MYRFL: variants seen among roughly 807,000 people sequenced by gnomAD.
MYRFL encodes myelin regulatory factor like, also known as myelin regulatory factor-like protein.
In MYRFL, 88 loss-of-function variants were observed where a neutral mutation model predicts 109.4. That is an observed-to-expected ratio of 0.80 (90% CI 0.68 to 0.96). The LOEUF is 0.96. MYRFL is among the 40% of genes least tolerant of loss of function. MYRFL has a pLI of 0.00. For missense variants in MYRFL, 957 were observed against 954.9 expected (o/e 1.00, Z -0.03); for synonymous variants, 324 against 320.9 (o/e 1.01, Z -0.10).
At chr12:69,838,254 G>A (rs182325090) in intron 1 of MYRFL, among the ~76,000 whole-genome samples, 77 of 152,240 alleles carry the variant, frequency 5.1e-4, no homozygotes, top group African/African-American at 1.6e-3. Context: ...GTACATTCCA[G>A]GTGAGCCAAC....
chr12:69,864,835 G>A (rs1261954134), intron 2 of MYRFL, among the ~76,000 whole-genome samples: 1 of 152,116 alleles, frequency 6.6e-6, no homozygotes, highest in African/African-American at 2.4e-5. Flanking sequence ...TGTATGAATT[G>A]TGGACAATGG....
intron 15 of MYRFL, among the ~76,000 whole-genome samples, chr12:69,929,849 C>T (rs1955216203): frequency 6.6e-6 from 1 of 152,054 alleles, no homozygotes; most frequent in Non-Finnish European, 1.5e-5. Flanking sequence ...AAGGTACTTG[C>T]TTCATAGGGT....
chr12:69,868,285 T>C (rs1316046753), intron 2 of MYRFL, among the ~76,000 whole-genome samples: 3 of 148,206 alleles, frequency 2.0e-5, no homozygotes, highest in African/African-American at 7.4e-5. Flanking sequence ...TTTTTTGTAT[T>C]TTTTTTTTTA....
intron 15 of MYRFL, among the ~76,000 whole-genome samples, chr12:69,929,280 A>G (rs1409070334): frequency 6.6e-6 from 1 of 152,180 alleles, no homozygotes; most frequent in Non-Finnish European, 1.5e-5. Flanking sequence ...TCTTGCTGTC[A>G]CTGTAGAGGG....
intron 2 of MYRFL, among the ~76,000 whole-genome samples, chr12:69,870,275 G>A (rs1251654922): frequency 9.5e-6 from 1 of 104,754 alleles, no homozygotes; most frequent in East Asian, 2.6e-4. Context: ...ACAGGGTTTT[G>A]CCATGTTGGC....
intron 1 of MYRFL, among the ~76,000 whole-genome samples, chr12:69,833,847 T>TC (rs200257494): frequency 1.4e-5 from 2 of 142,638 alleles, no homozygotes; most frequent in Non-Finnish European, 3.1e-5. Context: ...TTTTTTTTTT[T>TC]CGGTACAATT....
At chr12:69,943,070 A>G (rs1169536634) in intron 19 of MYRFL, among the ~76,000 whole-genome samples, 2 of 151,488 alleles carry the variant, frequency 1.3e-5, no homozygotes, top group South Asian at 2.1e-4. Flanking sequence ...ATGCTCATGG[A>G]TAGGAAGAAT....
At chr12:69,836,355 A>G (rs1461034409) in intron 1 of MYRFL, among the ~76,000 whole-genome samples, 1 of 152,144 alleles carries the variant, frequency 6.6e-6, no homozygotes, top group Non-Finnish European at 1.5e-5. Context: ...TGGGAAATGC[A>G]GCAGAAATGC....
chr12:69,905,509 T>C (rs1483158751), intron 11 of MYRFL, among the ~76,000 whole-genome samples: 1 of 152,180 alleles, frequency 6.6e-6, no homozygotes, highest in East Asian at 1.9e-4. Flanking sequence ...GTTAGAAGTC[T>C]AAGAGTTTAG....
chr12:69,939,318 G>C (rs1337491657), intron 19 of MYRFL, among the ~76,000 whole-genome samples: 3 of 152,116 alleles, frequency 2.0e-5, no homozygotes, highest in African/African-American at 7.2e-5. Flanking sequence ...GAGAGCAGTG[G>C]TTCTCCCAGC....
chr12:69,857,483 A>G (rs1159812994), intron 2 of MYRFL, among the ~76,000 whole-genome samples: 1 of 151,820 alleles, frequency 6.6e-6, no homozygotes, highest in Non-Finnish European at 1.5e-5. Context: ...ATCTAAGGAG[A>G]CTTAACATTC....
intron 19 of MYRFL, among the ~76,000 whole-genome samples, chr12:69,944,991 C>T (rs949660201): frequency 6.8e-6 from 1 of 147,542 alleles, no homozygotes; most frequent in African/African-American, 2.5e-5. Flanking sequence ...ATTTTTTTAA[C>T]GAAAATAAAA....
intron 1 of MYRFL, among the ~76,000 whole-genome samples, chr12:69,849,992 G>A (rs760258926): frequency 6.6e-6 from 1 of 152,158 alleles, no homozygotes; most frequent in Non-Finnish European, 1.5e-5. Context: ...TAATTCCCAC[G>A]TGTTGTGGGA....
chr12:69,891,664 TC>T (rs879270076), intron 7 of MYRFL, among the ~76,000 whole-genome samples: 4,428 of 115,552 alleles, frequency 0.038, 325 homozygotes, highest in African/African-American at 0.07. Context: ...TTTCTTTCTT[TC>T]TTTCTTTCTT....
chr12:69,931,416 A>G (rs185250576), intron 15 of MYRFL, among the ~76,000 whole-genome samples: 1 of 152,294 alleles, frequency 6.6e-6, no homozygotes, highest in Non-Finnish European at 1.5e-5. Context: ...CTCAGTTACA[A>G]TAGCCCTAAG....
chr12:69,891,021 C>A lies in MYRFL; in HGVS notation c.758C>A (p.Pro253Gln). The A allele has an allele frequency of 6.5e-7, 1 of 1,533,662 alleles. No individual in the cohort carries two copies. The highest frequency in any genetic ancestry group is 8.7e-7 in the Non-Finnish European group (1 of 1,145,810). Reference sequence around the variant, plus strand: ...ACAGACAAAGGATTTAATTTTTCACCAGCAGATGAAGCTTTTGTTTGCCAA... The same window carrying A: ...ACAGACAAAGGATTTAATTTTTCACAAGCAGATGAAGCTTTTGTTTGCCAA... ...VVTDKGFNFS[P>Q]ADEAFVCQKK... The change falls in exon 7 of 25, where the codon CCA becomes CAA. Residue 253 changes from proline to glutamine, a missense_variant. By Grantham distance (76) the Pro-to-Gln change is moderately conservative. Coordinates refer to ENST00000552032, the MANE Select transcript of MYRFL (RefSeq NM_182530.3).
chr12:69,895,514 C>A, intron 9 of MYRFL, 33 bp downstream of exon 9: 1 of 1,516,540 alleles, frequency 6.6e-7, no homozygotes, highest in Non-Finnish European at 8.9e-7. Flanking sequence ...GGCAGTGTGG[C>A]TGGGTACTTT....
intron 19 of MYRFL, among the ~76,000 whole-genome samples, chr12:69,940,220 C>A (rs568017048): frequency 6.6e-6 from 1 of 151,690 alleles, no homozygotes; most frequent in African/African-American, 2.4e-5. Context: ...AGATACTCCT[C>A]GAGAAGAGCA....
At chr12:69,835,327 T>G (rs538047667) in intron 1 of MYRFL, among the ~76,000 whole-genome samples, 2 of 152,280 alleles carry the variant, frequency 1.3e-5, no homozygotes, top group Admixed American at 6.5e-5. Flanking sequence ...GGGATAGAAG[T>G]TTTTAACTAC....
Sources: gnomAD v4.1 joint callset for allele counts (sites outside exome capture counted in the v4.1 genomes callset) on GRCh38, gnomAD v4.1.1 for gene constraint, MANE v1.5 for transcripts, NCBI Gene and HGNC (gene_info 2026-07-23, HGNC 2026-07-21) for gene names.